ADGRD1: variants seen among roughly 807,000 people sequenced by gnomAD.
ADGRD1 encodes the protein G-protein coupled receptor 133.
Under a neutral mutation model 113.4 loss-of-function variants are expected in ADGRD1, and 77 were observed. The observed-to-expected ratio is 0.68, with a 90% confidence interval of 0.57 to 0.82. ADGRD1 has a LOEUF of 0.82. Ranked by LOEUF, ADGRD1 falls within the 40% of genes least tolerant of loss-of-function variation. ADGRD1 has a pLI of 0.00. For missense variants in ADGRD1, 1,036 were observed against 1,139.1 expected (o/e 0.91, Z 1.30); for synonymous variants, 474 against 475.0 (o/e 1.00, Z 0.03).
intron 15 of ADGRD1, among the ~76,000 whole-genome samples, chr12:131,099,033 G>C (rs1227142327): frequency 6.6e-6 from 1 of 152,232 alleles, no homozygotes; most frequent in East Asian, 1.9e-4. Context: ...CAAGCAGCAG[G>C]TGCCTCGTTT....
At chr12:130,995,561 G>A (rs12809095) in intron 8 of ADGRD1, among the ~76,000 whole-genome samples, 11,356 of 152,260 alleles carry the variant, frequency 0.075, 572 homozygotes, top group Middle Eastern at 0.11. Context: ...GTAGAGAGAG[G>A]TAGTGGCAGC....
At chr12:131,011,337 G>A (rs980174012) in intron 12 of ADGRD1, among the ~76,000 whole-genome samples, 7 of 151,690 alleles carry the variant, frequency 4.6e-5, no homozygotes, top group Non-Finnish European at 5.9e-5. Context: ...TTCCCGGAGC[G>A]GAATCCAGGA....
At chr12:131,130,753 G>A (rs926983647) in intron 20 of ADGRD1, among the ~76,000 whole-genome samples, 4 of 150,076 alleles carry the variant, frequency 2.7e-5, no homozygotes, top group Admixed American at 1.3e-4. Context: ...CCCATCCCGT[G>A]CGGGGGGAGA....
Position 131,003,061 on chromosome 12 carries a change from T to C in ADGRD1, c.1027-124T>C. The C allele has an allele frequency of 1.2e-6, 1 of 802,380 alleles. No individual in the cohort carries two copies. The highest frequency in any genetic ancestry group is 2.2e-6 in the Non-Finnish European group (1 of 464,806). 49.7% of individuals were successfully genotyped at this position (802,380 alleles called of 1,614,324 possible). On this transcript the variant is annotated intron_variant, in intron 9 of 24. Transcript: ENST00000261654. The surrounding 1 kb of genome is among the most constrained non-coding windows in gnomAD (Gnocchi z 4.8). ...CCTGATCCATGGGAAGGGGCAGTTG[T>C]GTGACTTCTTCCTCCCTCGTGGCCA...
chr12:131,116,640 C>G (rs1443142845), intron 18 of ADGRD1, among the ~76,000 whole-genome samples: 1 of 151,412 alleles, frequency 6.6e-6, no homozygotes, highest in African/African-American at 2.5e-5. Context: ...AGGCAGAGAG[C>G]CACATGCTCT....
chr12:131,053,914 GA>G (rs1284364580), intron 13 of ADGRD1, among the ~76,000 whole-genome samples: 1 of 152,168 alleles, frequency 6.6e-6, no homozygotes, highest in Non-Finnish European at 1.5e-5. Flanking sequence ...GGATCTCACT[GA>G]AGATGTAATT....
At chr12:130,963,826 A>G (rs1870698384) in intron 2 of ADGRD1, among the ~76,000 whole-genome samples, 1 of 152,180 alleles carries the variant, frequency 6.6e-6, no homozygotes, top group South Asian at 2.1e-4. Context: ...GAATTACTAG[A>G]TCAAAGGGAA....
rs997822462 is a variant in ADGRD1, at chr12:131,075,498, C to T, written c.1474-1303C>T. On this transcript the variant is annotated intron_variant, in intron 13 of 24. Coordinates refer to ENST00000261654, the MANE Select transcript of ADGRD1 (RefSeq NM_198827.5). This position sits in a 1 kb window ranked among gnomAD's most constrained non-coding sequence, Gnocchi z 5.3. ...AGACCCTGTGATGGATTAAAATAAC[C>T]CTAAGATACGGGGCGGCAGGGGTGG... 6.6e-6 allele frequency among the ~76,000 whole-genome samples: 1 copy of T among 152,184 alleles called. No homozygotes were observed. The highest frequency in any genetic ancestry group is 2.4e-5 in the African/African-American group (1 of 41,438).
chr12:130,968,669 T>C, intron 3 of ADGRD1: 1 of 354,650 alleles, frequency 2.8e-6, no homozygotes, highest in East Asian at 6.0e-5. Flanking sequence ...TTCAATTTCA[T>C]ATCTCTCAAC....
chr12:131,048,393 C>CCAT (rs1883052566), intron 13 of ADGRD1, among the ~76,000 whole-genome samples: 2 of 152,206 alleles, frequency 1.3e-5, no homozygotes, highest in South Asian at 4.1e-4. Flanking sequence ...AAGCAGCCGC[C>CCAT]CATCCTCGGG....
chr12:130,975,398 A>C (rs1357003640), intron 4 of ADGRD1, among the ~76,000 whole-genome samples: 1 of 152,186 alleles, frequency 6.6e-6, no homozygotes, highest in Non-Finnish European at 1.5e-5. Flanking sequence ...TGCCTGGCAC[A>C]CCATAGATAC....
intron 15 of ADGRD1, among the ~76,000 whole-genome samples, chr12:131,092,376 C>T (rs370907637): frequency 6.6e-5 from 10 of 152,192 alleles, no homozygotes; most frequent in African/African-American, 1.4e-4. Context: ...TTGTGTTCCC[C>T]GCTCAGGGTG....
chr12:131,121,890 C>A (rs929322220), intron 20 of ADGRD1: 1 of 152,370 alleles, frequency 6.6e-6, no homozygotes, highest in African/African-American at 2.4e-5. Context: ...AGTCATGTGT[C>A]CGTCCCAGAA....
At chr12:131,014,437 C>T in intron 13 of ADGRD1, 97 bp downstream of exon 13, 7 of 1,172,078 alleles carry the variant, frequency 6.0e-6, no homozygotes, top group Non-Finnish European at 8.4e-6. Flanking sequence ...GAATCTCCAA[C>T]AGCCTTGGTG....
At chr12:130,979,374 C>T (rs113427692) in intron 4 of ADGRD1, among the ~76,000 whole-genome samples, 2,322 of 152,238 alleles carry the variant, frequency 0.015, 56 homozygotes, top group African/African-American at 0.052. Flanking sequence ...CTGAATCCTG[C>T]GAGGGCTTTG....
chr12:130,999,422 C>T (rs1156583876), intron 8 of ADGRD1, among the ~76,000 whole-genome samples: 1 of 152,176 alleles, frequency 6.6e-6, no homozygotes, highest in Non-Finnish European at 1.5e-5. Context: ...TTCTTAAGGC[C>T]TTGCACTCTA....
At position 131,108,758 on chromosome 12, in the gene ADGRD1, A is replaced by T; in HGVS notation, c.1922A>T (p.Tyr641Phe). ...PCQVMAVLLH[Y>F]FFLSAFAWML... is the part of the protein sequence containing the mutation. ...CAAGTGATGGCCGTGCTCCTACACT[A>T]CTTCTTCCTGAGTGCCTTCGCATGG... is the stretch of plus-strand genomic sequence containing the variant. The change falls in exon 18 of 25, where the codon TAC (tyrosine) becomes TTC (phenylalanine). Residue 641 changes from tyrosine (Y) to phenylalanine (F), a missense_variant. Tyr to Phe is a conservative substitution (Grantham distance 22). Transcript: ENST00000261654. The T allele has an allele frequency of 6.2e-7, 1 of 1,613,970 alleles. No homozygotes were observed. Among genetic ancestry groups the T allele is most frequent in the Non-Finnish European group, 8.5e-7 (1 of 1,179,958 alleles).
In ADGRD1 at chr12:130,954,178, C is replaced by T. The variant is rs1869230662; in HGVS notation, c.-288C>T. ...ACAGTGGTGACCTGGGATTGCTTTC[C>T]CAGGACTGCGAGTCGGGTTTGGGTT... On this transcript the variant is annotated 5_prime_UTR_variant, in exon 1 of 25. Transcript: ENST00000261654. The surrounding 1 kb of genome is among the most constrained non-coding windows in gnomAD (Gnocchi z 4.7). The T allele has an allele frequency of 5.5e-6, 2 of 365,034 alleles. No homozygotes were observed. Among genetic ancestry groups the T allele is most frequent in the East Asian group, 4.2e-5 (1 of 23,702 alleles). The allele number at this position is 365,034 out of a possible 1,614,324, so 22.6% of individuals were successfully genotyped here.
chr12:131,023,894 G>A (rs1356657377), intron 13 of ADGRD1: 1 of 152,208 alleles, frequency 6.6e-6, no homozygotes, highest in African/African-American at 2.4e-5. Context: ...GAGGGGCAAT[G>A]AAGTGACAAA....
Sources: gnomAD v4.1 joint callset for allele counts (sites outside exome capture counted in the v4.1 genomes callset) on GRCh38, gnomAD v4.1.1 for gene constraint, Gnocchi (gnomAD v3.1) non-coding constraint, MANE v1.5 for transcripts, NCBI Gene and HGNC (gene_info 2026-07-23, HGNC 2026-07-21) for gene names.